RAD51B: variants seen among roughly 807,000 people sequenced by gnomAD.
RAD51B encodes the protein RAD51 paralog B.
In RAD51B, 38 loss-of-function variants were observed where a neutral mutation model predicts 42.2. The ratio of observed to expected loss-of-function variants is 0.90; its 90% CI spans 0.70 to 1.18. RAD51B has a LOEUF of 1.18. Among genes scored for constraint, RAD51B ranks in the 50% most tolerant of loss-of-function variants. The pLI is 0.00. For missense variants in RAD51B, 373 were observed against 400.7 expected (o/e 0.93, Z 0.59); for synonymous variants, 154 against 145.2 (o/e 1.06, Z -0.43).
intron 7 of RAD51B, among the ~76,000 whole-genome samples, chr14:68,055,587 C>T (rs918783232): frequency 6.6e-6 from 1 of 152,020 alleles, no homozygotes; most frequent in Non-Finnish European, 1.5e-5. Context: ...TGATCTTGTG[C>T]CATGTAACAA....
intron 8 of RAD51B, among the ~76,000 whole-genome samples, chr14:68,319,716 C>T (rs1348863190): frequency 6.6e-6 from 1 of 152,204 alleles, no homozygotes; most frequent in African/African-American, 2.4e-5. Context: ...CCTTTGAAAT[C>T]TAAAGTGCTT....
chr14:68,577,574 G>C (rs1219407852), intron 10 of RAD51B, among the ~76,000 whole-genome samples: 1 of 151,876 alleles, frequency 6.6e-6, no homozygotes. Context: ...CATGAGCCAG[G>C]GTTCAACATG....
intron 10 of RAD51B, among the ~76,000 whole-genome samples, chr14:68,577,385 GC>G (rs904712350): frequency 3.4e-4 from 51 of 151,914 alleles, no homozygotes; most frequent in African/African-American, 1.2e-3. Flanking sequence ...GAAGATGAAG[GC>G]CCAGCCTCAA....
In RAD51B at chr14:67,869,222, A is replaced by G. The variant is rs564432424; in HGVS notation, c.452+4083A>G. Among the ~76,000 whole-genome samples the G allele has an allele frequency of 2.0e-5, 3 of 152,324 alleles. No individual in the cohort carries two copies. In the East Asian group the frequency reaches 5.8e-4, roughly 29 times the overall value. On this transcript the variant is annotated intron_variant, in intron 5 of 10. Transcript: ENST00000471583. ...AGAAGAATGTATAACTAGAATAACC[A>G]AGACAGGGAAGTGCTTAAAGGAGCT... is the stretch of plus-strand genomic sequence containing the variant.
At chr14:68,408,718 G>A (rs896739575) in intron 8 of RAD51B, among the ~76,000 whole-genome samples, 7 of 152,012 alleles carry the variant, frequency 4.6e-5, no homozygotes, top group East Asian at 1.9e-4. Context: ...TAAAGTTAGC[G>A]CAATTAAAAA....
At chr14:68,154,693 C>T (rs957373936) in intron 7 of RAD51B, among the ~76,000 whole-genome samples, 141 of 151,356 alleles carry the variant, frequency 9.3e-4, no homozygotes, top group Middle Eastern at 3.4e-3. Context: ...GTAGAACTTT[C>T]CTTTTTTTTT....
intron 10 of RAD51B, among the ~76,000 whole-genome samples, chr14:68,556,007 G>A (rs56026252): frequency 0.044 from 6,659 of 152,354 alleles, 181 homozygotes; most frequent in African/African-American, 0.071. Context: ...CAAAACATTT[G>A]ACATAGAAGG....
At chr14:68,480,233 C>T (rs911269180), downstream of RAD51B, among the ~76,000 whole-genome samples, 4 of 152,030 alleles carry the variant, frequency 2.6e-5, no homozygotes, top group South Asian at 2.1e-4. Flanking sequence ...CCACCATGCC[C>T]GGTTAACTTT....
intron 10 of RAD51B, among the ~76,000 whole-genome samples, chr14:68,576,417 C>A (rs1171412377): frequency 6.6e-6 from 1 of 152,182 alleles, no homozygotes; most frequent in Non-Finnish European, 1.5e-5. Flanking sequence ...ACCCAGAGGA[C>A]CTTGAGGCTT....
At chr14:68,138,540 T>C (rs2140714068) in intron 7 of RAD51B, among the ~76,000 whole-genome samples, 1 of 152,294 alleles carries the variant, frequency 6.6e-6, no homozygotes, top group Admixed American at 6.5e-5. Flanking sequence ...GCATTTTGGA[T>C]AAAAACTTTT....
At chr14:68,441,793 A>C (rs2085300319) in intron 9 of RAD51B, among the ~76,000 whole-genome samples, 1 of 152,206 alleles carries the variant, frequency 6.6e-6, no homozygotes, top group African/African-American at 2.4e-5. Flanking sequence ...TTCTGGTTCT[A>C]TGAAGAAGAA....
intron 10 of RAD51B, among the ~76,000 whole-genome samples, chr14:68,505,100 G>C (rs962066482): frequency 6.6e-6 from 1 of 152,212 alleles, no homozygotes. Context: ...GTTACAAGAA[G>C]GGGCCTGCAT....
rs900950959 is a variant in RAD51B, at chr14:68,565,082, AATACACACACACAC to A, written c.1037-29387_1037-29374del. Among the ~76,000 whole-genome samples the A allele has an allele frequency of 2.0e-5, 3 of 152,182 alleles. No homozygotes were observed. The highest frequency in any genetic ancestry group is 2.1e-4 in the South Asian group (1 of 4,824). Reference sequence around the variant, plus strand: ...ATAAAAACACAATAGTGACAGGAAAAATACACACACACACATACACACACACACACCCCACATGC... The same window carrying A: ...ATAAAAACACAATAGTGACAGGAAAAATACACACACACACACCCCACATGC... On this transcript the variant is annotated intron_variant, in intron 10 of 10. Transcript: ENST00000487270. The surrounding 1 kb of genome is among the most constrained non-coding windows in gnomAD (Gnocchi z 4.1).
chr14:68,186,376 C>A (rs1381787164), intron 7 of RAD51B, among the ~76,000 whole-genome samples: 1 of 152,124 alleles, frequency 6.6e-6, no homozygotes, highest in Non-Finnish European at 1.5e-5. Flanking sequence ...CCTAATTAAA[C>A]TAAAAAGCTT....
intron 10 of RAD51B, among the ~76,000 whole-genome samples, chr14:68,544,733 C>A (rs1888133869): frequency 6.6e-6 from 1 of 152,120 alleles, no homozygotes; most frequent in Non-Finnish European, 1.5e-5. Flanking sequence ...TTGGCACATG[C>A]CCAGTACTTT....
At chr14:68,280,561 C>T (rs957708660) in intron 7 of RAD51B, among the ~76,000 whole-genome samples, 1 of 152,174 alleles carries the variant, frequency 6.6e-6, no homozygotes, top group African/African-American at 2.4e-5. Flanking sequence ...GCCAACACAA[C>T]TCAAGCAATT....
chr14:68,156,066 A>G (rs2078497843), intron 7 of RAD51B, among the ~76,000 whole-genome samples: 1 of 152,242 alleles, frequency 6.6e-6, no homozygotes, highest in Non-Finnish European at 1.5e-5. Flanking sequence ...TTGAATTGGA[A>G]TAGAACAATT....
At chr14:68,315,735 G>A (rs546318398) in intron 8 of RAD51B, among the ~76,000 whole-genome samples, 1 of 152,122 alleles carries the variant, frequency 6.6e-6, no homozygotes, top group Non-Finnish European at 1.5e-5. Flanking sequence ...TGTTAGCCAG[G>A]ATAGTCTCCA....
At chr14:68,615,809 G>GT (rs1371425344), downstream of RAD51B, among the ~76,000 whole-genome samples, 1 of 152,028 alleles carries the variant, frequency 6.6e-6, no homozygotes, top group Non-Finnish European at 1.5e-5. Flanking sequence ...AACTATTTGT[G>GT]TTTTTATATT....
Sources: allele counts gnomAD v4.1 joint callset (sites outside exome capture counted in the v4.1 genomes callset), GRCh38; gene constraint gnomAD v4.1.1; non-coding constraint Gnocchi (gnomAD v3.1); transcripts MANE v1.5; gene names NCBI Gene and HGNC (gene_info 2026-07-23, HGNC 2026-07-21).